SORCS3: variants seen among roughly 807,000 people sequenced by gnomAD.
SORCS3 encodes VPS10 domain-containing receptor SorCS3.
SORCS3 carries 57 observed loss-of-function variants against 146.3 expected under a neutral mutation model. The observed-to-expected ratio is 0.39, with a 90% CI of 0.31 to 0.49. The LOEUF is 0.49. Ranked by LOEUF, SORCS3 falls within the 20% of genes least tolerant of loss-of-function variation. The pLI, the probability that SORCS3 is intolerant of heterozygous loss-of-function variation, is 0.92. For missense variants in SORCS3, 1,341 were observed against 1,575.5 expected, an observed-to-expected ratio of 0.85 and a Z score of 2.52; for synonymous variants, 653 against 618.5, an observed-to-expected ratio of 1.06 and a Z score of -0.83.
chr10:105,034,266 A>G (rs2055290901), intron 4 of SORCS3, among the ~76,000 whole-genome samples: 1 of 152,088 alleles, frequency 6.6e-6, no homozygotes, highest in African/African-American at 2.4e-5. Context: ...AGTTCAGTAC[A>G]CCAAATGGAA....
intron 3 of SORCS3, among the ~76,000 whole-genome samples, chr10:104,960,978 T>A (rs909381894): frequency 2.6e-5 from 4 of 152,200 alleles, no homozygotes; most frequent in Non-Finnish European, 4.4e-5. Context: ...ATTTACCATC[T>A]CTTGTGCACT....
chr10:104,746,457 G>A (rs889233533), intron 1 of SORCS3, among the ~76,000 whole-genome samples: 2 of 152,176 alleles, frequency 1.3e-5, no homozygotes, highest in African/African-American at 4.8e-5. Flanking sequence ...AATGTGAAGT[G>A]ATTAAATAAG....
chr10:104,860,327 C>A, intron 2 of SORCS3, among the ~76,000 whole-genome samples: 1 of 123,576 alleles, frequency 8.1e-6, no homozygotes, highest in African/African-American at 2.6e-5. Flanking sequence ...GAACAAAAAA[C>A]CAAACACCGC....
chr10:104,725,682 A>T (rs1418878839), intron 1 of SORCS3, among the ~76,000 whole-genome samples: 1 of 151,806 alleles, frequency 6.6e-6, no homozygotes, highest in African/African-American at 2.4e-5. Flanking sequence ...ATGGCGGGTG[A>T]CCCTCCCCCA....
chr10:104,801,520 T>C (rs2017624135), intron 1 of SORCS3, among the ~76,000 whole-genome samples: 1 of 152,214 alleles, frequency 6.6e-6, no homozygotes, highest in East Asian at 1.9e-4. Context: ...GAATGCTCAA[T>C]TGAAGTGAAT....
At chr10:105,148,745 C>G (rs865939677) in intron 9 of SORCS3, among the ~76,000 whole-genome samples, 18 of 152,136 alleles carry the variant, frequency 1.2e-4, no homozygotes, top group Middle Eastern at 3.4e-3. Context: ...TGGCTACATG[C>G]ATGGGTTTCT....
At chr10:104,834,027 A>G (rs376093668) in intron 1 of SORCS3, among the ~76,000 whole-genome samples, 2 of 152,140 alleles carry the variant, frequency 1.3e-5, no homozygotes, top group East Asian at 1.9e-4. Flanking sequence ...CACACCTCGT[A>G]TCTAATTTGT....
At chr10:104,657,859 C>T (rs1042927540) in intron 1 of SORCS3, among the ~76,000 whole-genome samples, 9 of 152,162 alleles carry the variant, frequency 5.9e-5, no homozygotes, top group South Asian at 2.1e-4. Flanking sequence ...ATATTAGTTC[C>T]GATAAAATAT....
At chr10:105,191,879 C>T (rs979128245) in intron 14 of SORCS3, among the ~76,000 whole-genome samples, 1 of 152,134 alleles carries the variant, frequency 6.6e-6, no homozygotes, top group Non-Finnish European at 1.5e-5. Flanking sequence ...GCTGTGCGGC[C>T]CTGTTCCTAA....
chr10:104,683,374 A>G (rs2016003008), intron 1 of SORCS3, among the ~76,000 whole-genome samples: 1 of 152,174 alleles, frequency 6.6e-6, no homozygotes, highest in Non-Finnish European at 1.5e-5. Context: ...AGATGCTTTG[A>G]AATGAATCCT....
intron 1 of SORCS3, among the ~76,000 whole-genome samples, chr10:104,795,429 A>G (rs1251890819): frequency 1.3e-5 from 2 of 152,232 alleles, no homozygotes; most frequent in African/African-American, 4.8e-5. Context: ...TTGTATTCCT[A>G]GAAAATTCAG....
At chr10:104,995,924 T>C (rs1199895616) in intron 4 of SORCS3, among the ~76,000 whole-genome samples, 4 of 152,238 alleles carry the variant, frequency 2.6e-5, no homozygotes, top group African/African-American at 4.8e-5. Flanking sequence ...TTGAGTTAAA[T>C]TTTTTATATA....
In SORCS3 at chr10:104,878,298, A is replaced by G. The variant is rs578078333; in HGVS notation, c.695+35439A>G. ...GGAAGCAGACAACAAGCAATGGGATAAATTAATAAAACAACATAATTAGAG... is the reference window on the plus strand; with the variant it reads ...GGAAGCAGACAACAAGCAATGGGATGAATTAATAAAACAACATAATTAGAG... On this transcript the variant is annotated intron_variant, in intron 2 of 26. Transcript: ENST00000369701. Among the ~76,000 whole-genome samples the G allele has an allele frequency of 5.9e-5, 9 of 152,298 alleles. No homozygotes were observed. In the South Asian group the frequency reaches 6.2e-4, roughly 11 times the overall value.
intron 7 of SORCS3, among the ~76,000 whole-genome samples, chr10:105,126,377 A>G (rs566179406): frequency 6.6e-6 from 1 of 151,770 alleles, no homozygotes; most frequent in Non-Finnish European, 1.5e-5. Context: ...TTCCCTCCCT[A>G]CCTTTTCTCT....
Position 105,176,906 on chromosome 10 carries a change from C to A in SORCS3, c.1902-1160C>A, listed in dbSNP as rs191755405. Among the ~76,000 whole-genome samples, 11 of 150,122 alleles carry A rather than the reference C, an allele frequency of 7.3e-5. No homozygotes were observed. In the East Asian group the frequency reaches 2.1e-3, roughly 29 times the overall value. On this transcript the variant is annotated intron_variant, in intron 13 of 26. Coordinates refer to ENST00000369701, the MANE Select transcript of SORCS3 (RefSeq NM_014978.3). ...ACAGTGTGGTGGGAGAATCAGACAT[C>A]TTATTTACCATTATATATATTATAT... is the stretch of plus-strand genomic sequence containing the variant.
At chr10:105,035,485 T>C (rs986848255) in intron 4 of SORCS3, among the ~76,000 whole-genome samples, 5 of 151,552 alleles carry the variant, frequency 3.3e-5, no homozygotes, top group Admixed American at 3.3e-4. Context: ...TTTTTCTTTT[T>C]GAGATGGAGT....
At chr10:105,204,966 G>A (rs1008840048) in intron 16 of SORCS3, among the ~76,000 whole-genome samples, 2 of 152,168 alleles carry the variant, frequency 1.3e-5, no homozygotes, top group Non-Finnish European at 2.9e-5. Context: ...ATGGCGTATA[G>A]CCTTGTCCCC....
intron 1 of SORCS3, among the ~76,000 whole-genome samples, chr10:104,710,861 T>G (rs2016406938): frequency 6.6e-6 from 1 of 152,136 alleles, no homozygotes; most frequent in Non-Finnish European, 1.5e-5. Context: ...ATGTGAAGCA[T>G]GAGGAGGAGG....
intron 4 of SORCS3, among the ~76,000 whole-genome samples, chr10:105,025,005 T>A (rs540455972): frequency 2.2e-4 from 33 of 152,328 alleles, no homozygotes; most frequent in African/African-American, 7.0e-4. Context: ...CTCTAGCTGC[T>A]GTACCGGGAG....
Sources: gnomAD v4.1 joint callset for allele counts (sites outside exome capture counted in the v4.1 genomes callset) on GRCh38, gnomAD v4.1.1 for gene constraint, MANE v1.5 for transcripts, NCBI Gene and HGNC (gene_info 2026-07-23, HGNC 2026-07-21) for gene names.